The following ZMYND8 variants were observed in gnomAD, a reference collection of about 807,000 sequenced individuals.
ZMYND8 encodes the protein zinc finger MYND-type containing 8.
A neutral mutation model predicts 140.8 loss-of-function variants in ZMYND8; 37 were observed. That is an observed-to-expected ratio of 0.26 (90% CI 0.20 to 0.35). The LOEUF (loss-of-function observed/expected upper bound fraction) is 0.35. Among genes scored for constraint, ZMYND8 ranks in the 10% least tolerant of loss-of-function variants. The pLI, the probability that ZMYND8 is intolerant of heterozygous loss-of-function variation, is 1.00. For synonymous variants in ZMYND8, 592 were observed against 597.1 expected (o/e 0.99, Z 0.12); for missense variants, 1,068 against 1,570.0 (o/e 0.68, Z 5.40).
chr20:47,271,419 T>G (rs1601484565), intron 11 of ZMYND8, among the ~76,000 whole-genome samples: 1 of 152,266 alleles, frequency 6.6e-6, no homozygotes, highest in Non-Finnish European at 1.5e-5. Context: ...ATCAGAAAAG[T>G]CCGCACCCCT....
At position 47,241,809 on chromosome 20, in the gene ZMYND8, TTTTTC is replaced by T. The variant is rs1269414260; in HGVS notation, c.2285-2676_2285-2672del. ...TTTAAATAAGGATTATGTCTGCCTC[TTTTTC>T]TTTTCTTTTTTTTTTTTTTTTGAGA... On this transcript the variant is annotated intron_variant, in intron 14 of 22. Transcript: ENST00000471951. Among the ~76,000 whole-genome samples, 18 of 151,100 alleles carry T rather than the reference TTTTTC, an allele frequency of 1.2e-4. 1 individual carries two copies. Among genetic ancestry groups the T allele is most frequent in the Admixed American group, 7.9e-4 (12 of 15,200 alleles).
intron 2 of ZMYND8, among the ~76,000 whole-genome samples, chr20:47,344,884 G>C (rs1053179556): frequency 2.0e-5 from 3 of 152,184 alleles, no homozygotes; most frequent in African/African-American, 7.2e-5. Flanking sequence ...AGGTCAAAGA[G>C]GGAGGATCAC....
rs376888258 is a variant in ZMYND8 at position 47,251,411 on chromosome 20, C to A, written c.1622-1972G>T. Among the ~76,000 whole-genome samples the A allele has an allele frequency of 3.5e-4, 53 of 151,876 alleles. 1 individual carries two copies. The East Asian group carries it at 9.5e-3, about 27-fold the overall frequency. ...GACCAGGCTGGGCAACATAGCAAGA[C>A]CCCCATCTCTACAAAAAATACAAAA... On this transcript the variant is annotated intron_variant, in intron 12 of 22. Transcript: ENST00000471951.
At chr20:47,212,307 C>T (rs1321217048) in intron 22 of ZMYND8, among the ~76,000 whole-genome samples, 1 of 152,166 alleles carries the variant, frequency 6.6e-6, no homozygotes, top group African/African-American at 2.4e-5. Context: ...GATCTGCAGG[C>T]CCTCACTCCT....
chr20:47,330,448 C>A (rs1198660756), intron 2 of ZMYND8, among the ~76,000 whole-genome samples: 1 of 150,532 alleles, frequency 6.6e-6, no homozygotes, highest in African/African-American at 2.5e-5. Flanking sequence ...AAGCTATCCT[C>A]CTGCCTCAGC....
At chr20:47,299,064 T>C (rs981622889) in intron 3 of ZMYND8, 117 bp from the exon 4 acceptor site, 30 of 939,386 alleles carry the variant, frequency 3.2e-5, no homozygotes, top group Admixed American at 2.7e-4. Flanking sequence ...ACAAATTCAT[T>C]AAAAAGCCAA....
Position 47,227,231 on chromosome 20 carries a change from T to C in ZMYND8, c.2988A>G (p.Gln996=), listed in dbSNP as rs780242278. ...AGTTGTGTTTCATTTCGGAGAGCTC[T>C]TGCTGGTGCAGCCACTGGAGCTTCT... is the stretch of plus-strand genomic sequence containing the variant. ...EIEKLQWLHQ[Q]ELSEMKHNLE... is the part of the protein sequence containing the mutation. The change falls in exon 18 of 23, where the codon CAA becomes CAG. Residue 996 remains glutamine, a synonymous_variant. Transcript: ENST00000471951. The C allele has an allele frequency of 1.2e-6, 2 of 1,614,218 alleles. No individual in the cohort carries two copies. Among genetic ancestry groups the C allele is most frequent in the South Asian group, 1.1e-5 (1 of 91,090 alleles).
intron 2 of ZMYND8, among the ~76,000 whole-genome samples, chr20:47,339,965 C>T (rs1356235132): frequency 1.3e-5 from 2 of 151,398 alleles, no homozygotes; most frequent in African/African-American, 4.9e-5. Context: ...TTTTTTGAGA[C>T]GGAGTCTCAC....
rs930705299 is a variant in ZMYND8, at chr20:47,220,404, G to A, written c.3418-80C>T. 25 of 1,188,780 alleles carry A rather than the reference G, an allele frequency of 2.1e-5. 1 individual carries two copies. The South Asian group carries it at 2.8e-4, about 13-fold the overall frequency. 73.6% of individuals were successfully genotyped at this position (1,188,780 alleles called of 1,614,324 possible). A position where few individuals can be genotyped will look rare whatever the true frequency, so the allele number is the denominator to read the frequency against. ...CCACAGGGAAATCCAGGGAGTCATG[G>A]GGGTGCTCATCGCTGCCCCCAAAGC... is the stretch of plus-strand genomic sequence containing the variant. On this transcript the variant is annotated intron_variant, in intron 20 of 22. Transcript: ENST00000471951.
intron 2 of ZMYND8, among the ~76,000 whole-genome samples, chr20:47,310,912 C>G (rs1258681354): frequency 2.0e-5 from 3 of 152,146 alleles, no homozygotes; most frequent in African/African-American, 7.2e-5. Flanking sequence ...CCACTACGTC[C>G]CTGCTGATGA....
intron 2 of ZMYND8, among the ~76,000 whole-genome samples, chr20:47,315,945 A>C (rs1270317882): frequency 6.6e-6 from 1 of 152,196 alleles, no homozygotes; most frequent in Non-Finnish European, 1.5e-5. Flanking sequence ...TCAGGAAAAC[A>C]GCTTGGCATG....
intron 21 of ZMYND8, among the ~76,000 whole-genome samples, chr20:47,215,267 G>A (rs1040138290): frequency 6.6e-6 from 1 of 152,134 alleles, no homozygotes; most frequent in Non-Finnish European, 1.5e-5. Flanking sequence ...CAGCTGCTCA[G>A]GAGGCTGAGG....
rs1466321672 is a variant in ZMYND8, at chr20:47,298,550, G to A, written c.453+179C>T. 1 of 985,300 alleles carries A rather than the reference G, an allele frequency of 1.0e-6. No homozygotes were observed. Among genetic ancestry groups the A allele is most frequent in the Non-Finnish European group, 1.2e-6 (1 of 829,936 alleles). The allele number at this position is 985,300 out of a possible 1,614,324, so 61.0% of individuals were successfully genotyped here. ...CCGTGCAATTGTCTTTCCAAGAGCT[G>A]CAGTACTGCAGCCACTGCCGGTGTT... On this transcript the variant is annotated intron_variant, in intron 4 of 22. Transcript: ENST00000471951. The surrounding 1 kb of genome is among the most constrained non-coding windows in gnomAD (Gnocchi z 5.0).
rs201159693 is a variant in ZMYND8 at position 47,356,660 on chromosome 20, T to C, written c.11A>G (p.Gln4Arg). The C allele has an allele frequency of 1.2e-6, 2 of 1,614,202 alleles. No homozygotes were observed. The highest frequency in any genetic ancestry group is 1.7e-6 in the Non-Finnish European group (2 of 1,180,048). Residue 4 changes from glutamine (Q) to arginine (R), a missense_variant, in exon 1 of 23, where the codon CAG becomes CGG. Coordinates refer to ENST00000471951, the MANE Select transcript of ZMYND8 (RefSeq NM_001281775.3). ...ATGGTTAAAAAGTCGAGCTTACCTC[T>C]GTGGATGCATTGTTAACACTGTGTA... MHP[Q>R]SLAEEEIKTE... is the part of the protein sequence containing the mutation.
intron 2 of ZMYND8, among the ~76,000 whole-genome samples, chr20:47,313,368 A>T (rs1393073508): frequency 6.6e-6 from 1 of 152,236 alleles, no homozygotes; most frequent in African/African-American, 2.4e-5. Flanking sequence ...CACGCCTGTA[A>T]TCCCAGCACT....
At chr20:47,213,989 C>T (rs545717312) in intron 21 of ZMYND8, among the ~76,000 whole-genome samples, 28 of 152,232 alleles carry the variant, frequency 1.8e-4, no homozygotes, top group South Asian at 1.5e-3. Flanking sequence ...AAGCTTAAAA[C>T]GAAAAGATGA....
Position 47,290,375 on chromosome 20 carries a change from A to T in ZMYND8, c.661-101T>A, listed in dbSNP as rs1045482990. The T allele has an allele frequency of 3.1e-6, 3 of 954,822 alleles. No homozygotes were observed. The African/African-American group carries it at 4.9e-5, about 16-fold the overall frequency. The allele number at this position is 954,822 out of a possible 1,614,324, so 59.1% of individuals were successfully genotyped here. ...TAATTTTTGTAGCAGTCATTTGCCA[A>T]ATCAATTAGTGTTCTTCTATTCATT... On this transcript the variant is annotated intron_variant, in intron 6 of 22. Transcript: ENST00000471951.
At chr20:47,316,614 G>A (rs750199013) in intron 2 of ZMYND8, among the ~76,000 whole-genome samples, 46 of 151,770 alleles carry the variant, frequency 3.0e-4, no homozygotes, top group Non-Finnish European at 6.5e-4. Flanking sequence ...CCAACATGGT[G>A]AAACCCCATC....
At chr20:47,346,364 G>A (rs2082333749) in intron 2 of ZMYND8, among the ~76,000 whole-genome samples, 1 of 152,140 alleles carries the variant, frequency 6.6e-6, no homozygotes, top group Non-Finnish European at 1.5e-5. Context: ...CACCATCAAT[G>A]GCACTGAAAC....
Sources: gnomAD v4.1 joint callset for allele counts (sites outside exome capture counted in the v4.1 genomes callset) on GRCh38, gnomAD v4.1.1 for gene constraint, Gnocchi (gnomAD v3.1) non-coding constraint, MANE v1.5 for transcripts, NCBI Gene and HGNC (gene_info 2026-07-23, HGNC 2026-07-21) for gene names.